The following ORC5 variants were observed in gnomAD, a reference collection of about 807,000 sequenced individuals.
ORC5 encodes origin recognition complex subunit 5.
In ORC5, 39 loss-of-function variants were observed where a neutral mutation model predicts 58.8. That is an observed-to-expected ratio of 0.66 (90% confidence interval 0.51 to 0.87). ORC5 has a LOEUF of 0.87. ORC5 is among the 40% of genes least tolerant of loss of function. ORC5 has a pLI of 0.00. For synonymous variants in ORC5, 218 were observed against 177.6 expected (o/e 1.23, Z -1.81); for missense variants, 493 against 506.3 (o/e 0.97, Z 0.25).
intron 9 of ORC5, among the ~76,000 whole-genome samples, chr7:104,167,327 G>C (rs1171261340): frequency 6.6e-6 from 1 of 152,110 alleles, no homozygotes; most frequent in Non-Finnish European, 1.5e-5. Flanking sequence ...GATTTTTTCA[G>C]ATGTTAGAAT....
chr7:104,194,707 C>T (rs74484941), intron 5 of ORC5, among the ~76,000 whole-genome samples: 4,452 of 152,060 alleles, frequency 0.029, 199 homozygotes, highest in African/African-American at 0.1. Flanking sequence ...ATATGCTTTA[C>T]AAGTCTAGTC....
intron 12 of ORC5, among the ~76,000 whole-genome samples, chr7:104,143,671 G>A (rs945649066): frequency 1.3e-5 from 2 of 151,994 alleles, no homozygotes; most frequent in East Asian, 3.9e-4. Flanking sequence ...AATTAAATTA[G>A]AATGTGATTT....
chr7:104,132,806 G>A (rs1304825014), intron 13 of ORC5, among the ~76,000 whole-genome samples: 3 of 152,006 alleles, frequency 2.0e-5, no homozygotes, highest in Non-Finnish European at 4.4e-5. Flanking sequence ...GAACAAAATG[G>A]GAACTTCCAA....
chr7:104,166,620 A>G (rs1799111889), intron 10 of ORC5, 152 bp downstream of exon 10: 5 of 519,190 alleles, frequency 9.6e-6, no homozygotes, highest in Non-Finnish European at 1.4e-5. Context: ...AGGTTGTGAC[A>G]TTAATGTAAA....
chr7:104,200,774 T>G lies in ORC5; in HGVS notation c.350A>C (p.Asp117Ala). 2 of 1,595,366 alleles carry G rather than the reference T, an allele frequency of 1.3e-6. No individual in the cohort carries two copies. Among genetic ancestry groups the G allele is most frequent in the Non-Finnish European group, 1.7e-6 (2 of 1,163,710 alleles). The stretch of plus-strand genomic sequence containing the variant: ...ATTACTTACAATATATACAGTCTGA[T>G]CTTTAAGATTTTCAGCTGTGGTTAC... ...KQVTTAENLK[D>A]QTVYIVLDKA... Residue 117 changes from aspartate (D) to alanine (A), a missense_variant, in exon 3 of 14, where the codon GAT becomes GCT. Physicochemically the swap from Asp to Ala is moderately radical, Grantham distance 126. Coordinates refer to ENST00000297431, the MANE Select transcript of ORC5 (RefSeq NM_002553.4).
intron 5 of ORC5, among the ~76,000 whole-genome samples, chr7:104,191,191 T>A (rs1799668433): frequency 6.7e-6 from 1 of 149,880 alleles, no homozygotes; most frequent in African/African-American, 2.5e-5. Flanking sequence ...AAACTTTAAA[T>A]ATAATGTCAC....
intron 11 of ORC5, 49 bp from the exon 12 acceptor site, chr7:104,161,231 C>A: frequency 9.9e-7 from 1 of 1,015,076 alleles, no homozygotes. Flanking sequence ...TACCAGAGCA[C>A]TCACTTTCTG....
Position 104,207,933 on chromosome 7 carries a change from G to T in ORC5, c.-29C>A. ...GGCAGGCACCACCGCAGAGGCCAGT[G>T]CAGCCAGCCCACAGGACCCTTGCAC... On this transcript the variant is annotated 5_prime_UTR_variant, in exon 1 of 14. Coordinates refer to ENST00000297431, the MANE Select transcript of ORC5 (RefSeq NM_002553.4). 6.2e-7 allele frequency: 1 copy of T among 1,607,854 alleles called. No homozygotes were observed. Among genetic ancestry groups the T allele is most frequent in the South Asian group, 1.1e-5 (1 of 90,976 alleles).
intron 11 of ORC5, among the ~76,000 whole-genome samples, chr7:104,161,661 A>G (rs922927044): frequency 5.9e-5 from 9 of 151,514 alleles, no homozygotes; most frequent in African/African-American, 2.2e-4. Context: ...GGCATGAGCC[A>G]CCATACCCAG....
intron 2 of ORC5, chr7:104,202,424 C>A: frequency 2.5e-6 from 1 of 392,370 alleles, no homozygotes; most frequent in Non-Finnish European, 5.1e-6. Flanking sequence ...TCTCTCACTC[C>A]TTTACTGTCC....
chr7:104,132,463 C>T (rs1229494665), intron 13 of ORC5, among the ~76,000 whole-genome samples: 1 of 152,116 alleles, frequency 6.6e-6, no homozygotes, highest in East Asian at 1.9e-4. Flanking sequence ...TGGAATGAGG[C>T]CAGCCTTCCT....
At chr7:104,152,356 C>T (rs1245772451) in intron 12 of ORC5, among the ~76,000 whole-genome samples, 1 of 152,080 alleles carries the variant, frequency 6.6e-6, no homozygotes, top group African/African-American at 2.4e-5. Context: ...GTTGCCCAGG[C>T]AGGTCTCGAA....
intron 1 of ORC5, among the ~76,000 whole-genome samples, chr7:104,206,281 A>AT (rs541567186): frequency 4.7e-4 from 72 of 152,184 alleles, no homozygotes; most frequent in Non-Finnish European, 9.0e-4. Context: ...ACATGAACCA[A>AT]TTTTTTATAT....
chr7:104,139,859 T>C lies in ORC5; in HGVS notation c.1150-2966A>G, dbSNP rs183168079. On this transcript the variant is annotated intron_variant, in intron 12 of 13. Transcript: ENST00000297431. ...ACATTATTTGTATTGTTAAATCTTA[T>C]ATACACCATTTTTAAAATCTGCCTG... is the stretch of plus-strand genomic sequence containing the variant. Among the ~76,000 whole-genome samples the C allele has an allele frequency of 7.5e-4, 114 of 152,154 alleles. 1 individual carries two copies. The highest frequency in any genetic ancestry group is 2.5e-3 in the African/African-American group (103 of 41,580).
chr7:104,198,942 A>G (rs1290058736), intron 3 of ORC5, among the ~76,000 whole-genome samples: 1 of 152,248 alleles, frequency 6.6e-6, no homozygotes, highest in South Asian at 2.1e-4. Flanking sequence ...CGTATAGCTC[A>G]GGCTGTTGCT....
At chr7:104,128,270 G>A (rs1467151839) in intron 13 of ORC5, among the ~76,000 whole-genome samples, 1 of 152,112 alleles carries the variant, frequency 6.6e-6, no homozygotes, top group Non-Finnish European at 1.5e-5. Flanking sequence ...GTACAGGCAT[G>A]TGCCAACACG....
At chr7:104,170,215 T>C (rs1295079614) in intron 8 of ORC5, among the ~76,000 whole-genome samples, 4 of 152,298 alleles carry the variant, frequency 2.6e-5, no homozygotes, top group South Asian at 2.1e-4. Context: ...GAGGTTTTTT[T>C]CTGTTATTTT....
intron 11 of ORC5, among the ~76,000 whole-genome samples, chr7:104,164,502 A>G (rs1249169649): frequency 6.6e-6 from 1 of 152,252 alleles, no homozygotes; most frequent in Non-Finnish European, 1.5e-5. Context: ...ACATCATCGT[A>G]GGCTTTGGAG....
chr7:104,165,341 A>T, intron 10 of ORC5, 59 bp from the exon 11 acceptor site: 2 of 977,618 alleles, frequency 2.0e-6, no homozygotes, highest in Non-Finnish European at 1.6e-6. Flanking sequence ...AAACCAGAAA[A>T]CGTTATTTAT....
Sources: allele counts gnomAD v4.1 joint callset (sites outside exome capture counted in the v4.1 genomes callset), GRCh38; gene constraint gnomAD v4.1.1; transcripts MANE v1.5; gene names NCBI Gene and HGNC (gene_info 2026-07-23, HGNC 2026-07-21).